Variants in ANKRD13C observed in about 807,000 individuals in gnomAD.
The protein encoded by ANKRD13C is ankyrin repeat domain 13C.
ANKRD13C carries 16 observed loss-of-function variants against 65.5 expected under a neutral mutation model. The ratio of observed to expected loss-of-function variants is 0.24; its 90% CI spans 0.17 to 0.37. The LOEUF (loss-of-function observed/expected upper bound fraction) is 0.37. Among genes scored for constraint, ANKRD13C ranks in the 10% least tolerant of loss-of-function variants. The pLI, the probability that ANKRD13C is intolerant of heterozygous loss-of-function variation, is 1.00. For missense variants in ANKRD13C, 503 were observed against 655.9 expected (o/e 0.77, Z 2.55); for synonymous variants, 235 against 238.7 (o/e 0.98, Z 0.14).
Position 70,354,255 on chromosome 1 carries a change from T to C in ANKRD13C, c.154A>G (p.Lys52Glu), listed in dbSNP as rs1367371315. The C allele has an allele frequency of 1.2e-6, 2 of 1,613,626 alleles. No individual in the cohort carries two copies. Among genetic ancestry groups the C allele is most frequent in the Non-Finnish European group, 1.7e-6 (2 of 1,180,008 alleles). The change falls in exon 1 of 13, where the codon AAG becomes GAG. Residue 52 changes from lysine (K) to glutamate (E), a missense_variant. Lys to Glu is a moderately conservative substitution (Grantham distance 56, BLOSUM62 1). Transcript: ENST00000370944. ...RIGKGGKACH[K>E]IFSNHHHRLQ... The stretch of plus-strand genomic sequence containing the variant: ...CGGTGGTGATGGTTACTGAAGATCT[T>C]ATGACAAGCTTTGCCGCCCTTGCCA...
intron 2 of ANKRD13C, among the ~76,000 whole-genome samples, chr1:70,328,916 T>C (rs988742419): frequency 2.6e-5 from 4 of 152,226 alleles, no homozygotes; most frequent in Non-Finnish European, 5.9e-5. Flanking sequence ...TTGGGTTTTG[T>C]AAATATGTTT....
chr1:70,272,860 T>C (rs922611589), intron 11 of ANKRD13C, among the ~76,000 whole-genome samples: 1 of 152,012 alleles, frequency 6.6e-6, no homozygotes, highest in African/African-American at 2.4e-5. Context: ...TGGTAGCACA[T>C]GCCTGTAGTC....
chr1:70,305,751 T>C (rs1680560220), intron 6 of ANKRD13C: 1 of 152,088 alleles, frequency 6.6e-6, no homozygotes, highest in Non-Finnish European at 1.5e-5. Context: ...ATTCACTGGA[T>C]TGGATAGATC....
chr1:70,275,169 T>C (rs956929151), intron 10 of ANKRD13C, among the ~76,000 whole-genome samples: 1 of 152,218 alleles, frequency 6.6e-6, no homozygotes, highest in Non-Finnish European at 1.5e-5. Flanking sequence ...TCAATCTTCT[T>C]TACTGTCTAT....
rs185383896 is a variant in ANKRD13C, at chr1:70,266,331, T to C, written c.1496-3484A>G. On this transcript the variant is annotated intron_variant, in intron 12 of 12. Transcript: ENST00000370944. ...ATGTATTAGCAGTTCAATCTTTTTA[T>C]TGGTGAATAGTATATCCCACGGTAT... is the stretch of plus-strand genomic sequence containing the variant. Among the ~76,000 whole-genome samples, 231 of 152,366 alleles carry C rather than the reference T, an allele frequency of 1.5e-3. 3 individuals are homozygous for C. The Middle Eastern group carries it at 0.017, about 11-fold the overall frequency.
At chr1:70,339,209 C>CA (rs771059976) in intron 1 of ANKRD13C, among the ~76,000 whole-genome samples, 28,249 of 99,710 alleles carry the variant, frequency 0.28, 2,883 homozygotes, top group Middle Eastern at 0.41. Context: ...GACCCTATCT[C>CA]AAAAAAAAAA....
intron 1 of ANKRD13C, 82 bp downstream of exon 1, chr1:70,353,897 G>A: frequency 7.0e-7 from 1 of 1,423,856 alleles, no homozygotes; most frequent in Non-Finnish European, 9.2e-7. Context: ...CTGCTGGAGG[G>A]GGCCTAGGAT....
At chr1:70,278,106 T>G (rs945197162) in intron 9 of ANKRD13C, among the ~76,000 whole-genome samples, 2 of 151,520 alleles carry the variant, frequency 1.3e-5, no homozygotes, top group Admixed American at 1.3e-4. Flanking sequence ...GGAGGATCAC[T>G]TGAGACCAGG....
At chr1:70,318,723 G>A (rs990286840) in intron 3 of ANKRD13C, among the ~76,000 whole-genome samples, 3 of 122,544 alleles carry the variant, frequency 2.4e-5, no homozygotes, top group Non-Finnish European at 3.2e-5. Flanking sequence ...TCGCTCTGTC[G>A]CCAGGCTGGA....
chr1:70,325,620 T>C (rs1454054595), intron 2 of ANKRD13C, among the ~76,000 whole-genome samples: 1 of 152,222 alleles, frequency 6.6e-6, no homozygotes, highest in Non-Finnish European at 1.5e-5. Context: ...GGCTCACGCC[T>C]GTAATCCCAG....
At chr1:70,313,888 A>G in intron 4 of ANKRD13C, 98 bp from the exon 5 acceptor site, 1 of 773,408 alleles carries the variant, frequency 1.3e-6, no homozygotes, top group South Asian at 1.8e-5. Flanking sequence ...TAATACATGC[A>G]TTACTATACT....
intron 9 of ANKRD13C, among the ~76,000 whole-genome samples, chr1:70,285,280 C>T (rs554761126): frequency 6.7e-6 from 1 of 149,410 alleles, no homozygotes; most frequent in Non-Finnish European, 1.5e-5. Flanking sequence ...GCCACCTCTG[C>T]CCCCTGGGTT....
At chr1:70,300,968 A>G in intron 6 of ANKRD13C, 60 bp from the exon 7 acceptor site, 1 of 1,528,290 alleles carries the variant, frequency 6.5e-7, no homozygotes, top group Non-Finnish European at 8.8e-7. Context: ...AACTTCACTA[A>G]TAATTAAATA....
intron 9 of ANKRD13C, among the ~76,000 whole-genome samples, chr1:70,280,073 T>A (rs1382943422): frequency 6.6e-6 from 1 of 152,120 alleles, no homozygotes; most frequent in Admixed American, 6.5e-5. Context: ...GATCTCTGAG[T>A]AGCAGCCGAG....
intron 9 of ANKRD13C, among the ~76,000 whole-genome samples, chr1:70,280,304 T>C (rs968816943): frequency 1.3e-5 from 2 of 152,180 alleles, no homozygotes; most frequent in African/African-American, 4.8e-5. Context: ...CGTGGACTGG[T>C]TGACTCCTGA....
At chr1:70,288,425 T>C (rs1238087817) in intron 9 of ANKRD13C, among the ~76,000 whole-genome samples, 4 of 152,234 alleles carry the variant, frequency 2.6e-5, no homozygotes, top group Non-Finnish European at 4.4e-5. Context: ...ATTACATTCA[T>C]ACAAAAACTT....
At chr1:70,332,626 C>A (rs1029138047) in intron 2 of ANKRD13C, among the ~76,000 whole-genome samples, 1 of 151,960 alleles carries the variant, frequency 6.6e-6, no homozygotes, top group African/African-American at 2.4e-5. Flanking sequence ...CCACCATGCC[C>A]GGCTAATTTT....
chr1:70,339,017 T>C (rs888846076), intron 1 of ANKRD13C, among the ~76,000 whole-genome samples: 1 of 151,646 alleles, frequency 6.6e-6, no homozygotes, highest in Non-Finnish European at 1.5e-5. Flanking sequence ...AGGCCAGGAG[T>C]TCAGAACAGC....
intron 9 of ANKRD13C, among the ~76,000 whole-genome samples, chr1:70,291,318 G>A (rs1679858006): frequency 1.3e-5 from 2 of 152,070 alleles, no homozygotes; most frequent in South Asian, 4.1e-4. Context: ...ACCACGCCTG[G>A]GCCCATCTGG....
Sources: allele counts gnomAD v4.1 joint callset (sites outside exome capture counted in the v4.1 genomes callset), GRCh38; gene constraint gnomAD v4.1.1; transcripts MANE v1.5; gene names NCBI Gene and HGNC (gene_info 2026-07-23, HGNC 2026-07-21).